SPAG1: variants seen among roughly 807,000 people sequenced by gnomAD.
SPAG1 encodes the protein sperm associated antigen 1, also known as sperm-associated antigen 1.
Under a neutral mutation model 100.5 loss-of-function variants are expected in SPAG1, and 69 were observed. The observed-to-expected ratio is 0.69, with a 90% CI of 0.57 to 0.84. The LOEUF is 0.84. Among genes scored for constraint, SPAG1 ranks in the 40% least tolerant of loss-of-function variants. SPAG1 has a pLI of 0.00. For synonymous variants in SPAG1, 336 were observed against 411.6 expected (o/e 0.82, Z 2.22); for missense variants, 955 against 1,133.1 (o/e 0.84, Z 2.26).
rs551611356 is a variant in SPAG1 at position 100,184,881 on chromosome 8, C to G, written c.701+148C>G. 1.4e-5 allele frequency: 8 copies of G among 576,340 alleles called. No homozygotes were observed. The East Asian group carries it at 2.5e-4, about 18-fold the overall frequency. The allele number at this position is 576,340 out of a possible 1,614,324, so 35.7% of individuals were successfully genotyped here. ...TTATCATATATTCACTTGTGTTTCTCCTATTTTTTCAATAATTTTTCTCAA... is the reference window on the plus strand; with the variant it reads ...TTATCATATATTCACTTGTGTTTCTGCTATTTTTTCAATAATTTTTCTCAA... On this transcript the variant is annotated intron_variant, in intron 7 of 18. Coordinates refer to ENST00000388798, the MANE Select transcript of SPAG1 (RefSeq NM_003114.5).
intron 12 of SPAG1, among the ~76,000 whole-genome samples, chr8:100,215,470 G>A (rs1817938303): frequency 6.6e-6 from 1 of 152,212 alleles, no homozygotes; most frequent in Non-Finnish European, 1.5e-5. Context: ...AGTAAATTAT[G>A]TGGACACTGT....
chr8:100,190,663 CTTT>C (rs758612610), intron 8 of SPAG1, among the ~76,000 whole-genome samples: 1 of 111,798 alleles, frequency 8.9e-6, no homozygotes, highest in African/African-American at 3.4e-5. Flanking sequence ...CTTTTTTTTT[CTTT>C]TTTTTTTTTT....
chr8:100,217,506 T>C (rs777931797), intron 12 of SPAG1, among the ~76,000 whole-genome samples: 2 of 151,948 alleles, frequency 1.3e-5, no homozygotes, highest in Admixed American at 6.6e-5. Context: ...AAGCCTGGCC[T>C]CTCCCCTCAC....
intron 3 of SPAG1, among the ~76,000 whole-genome samples, chr8:100,167,069 C>T (rs1815593971): frequency 6.6e-6 from 1 of 152,006 alleles, no homozygotes; most frequent in Admixed American, 6.6e-5. Flanking sequence ...GTGGTGTGTG[C>T]CTATAGTCCC....
intron 10 of SPAG1, among the ~76,000 whole-genome samples, chr8:100,205,723 A>T (rs917080291): frequency 3.9e-5 from 6 of 152,126 alleles, no homozygotes; most frequent in Non-Finnish European, 8.8e-5. Context: ...TAAAAGATGT[A>T]GGGATAGGGC....
At chr8:100,193,425 T>G (rs893853223) in intron 9 of SPAG1, among the ~76,000 whole-genome samples, 2 of 152,052 alleles carry the variant, frequency 1.3e-5, no homozygotes, top group African/African-American at 2.4e-5. Context: ...TGCACCACTG[T>G]ACTCCAGCCG....
chr8:100,170,911 A>C (rs1370693706), intron 3 of SPAG1, among the ~76,000 whole-genome samples: 2 of 151,942 alleles, frequency 1.3e-5, no homozygotes, highest in African/African-American at 2.4e-5. Flanking sequence ...GTAAGAGCAG[A>C]TCCTCGCCTA....
chr8:100,192,495 C>A (rs1816856950), intron 9 of SPAG1, among the ~76,000 whole-genome samples: 1 of 152,180 alleles, frequency 6.6e-6, no homozygotes, highest in Admixed American at 6.5e-5. Context: ...TCAGTACAAA[C>A]ATCCTTAGAG....
chr8:100,169,154 AG>A (rs1815707333), intron 3 of SPAG1, among the ~76,000 whole-genome samples: 1 of 152,148 alleles, frequency 6.6e-6, no homozygotes, highest in Non-Finnish European at 1.5e-5. Flanking sequence ...TCTTATATCT[AG>A]GTCTATAATC....
chr8:100,224,151 G>A (rs1246881082), intron 13 of SPAG1, among the ~76,000 whole-genome samples: 2 of 151,678 alleles, frequency 1.3e-5, no homozygotes, highest in Non-Finnish European at 2.9e-5. Context: ...GATCACTGAG[G>A]ATATTAATCT....
intron 1 of SPAG1, 136 bp downstream of exon 1, chr8:100,158,752 T>C (rs982777035): frequency 6.6e-6 from 1 of 152,122 alleles, no homozygotes; most frequent in African/African-American, 2.4e-5. Flanking sequence ...TTCTAAAGTA[T>C]TGTATAACTT....
chr8:100,200,150 A>G (rs1225596088), intron 10 of SPAG1, among the ~76,000 whole-genome samples: 34 of 152,030 alleles, frequency 2.2e-4, no homozygotes, highest in Non-Finnish European at 4.4e-4. Context: ...CCTGTGTCCA[A>G]GTGTTCTCAT....
At chr8:100,231,961 C>CAAA (rs528009916) in intron 15 of SPAG1, among the ~76,000 whole-genome samples, 31 of 137,642 alleles carry the variant, frequency 2.3e-4, no homozygotes, top group South Asian at 1.2e-3. Context: ...GACTCTGTCT[C>CAAA]AAAAAAAAAA....
chr8:100,199,716 G>A (rs892752611), intron 10 of SPAG1, among the ~76,000 whole-genome samples: 1 of 152,058 alleles, frequency 6.6e-6, no homozygotes, highest in Non-Finnish European at 1.5e-5. Context: ...CAAAGTGCTG[G>A]GATTACAGAT....
intron 13 of SPAG1, among the ~76,000 whole-genome samples, chr8:100,222,266 A>G (rs958574383): frequency 6.6e-6 from 1 of 152,190 alleles, no homozygotes; most frequent in Non-Finnish European, 1.5e-5. Context: ...CAGTGCCCCC[A>G]TAACACTGGG....
In SPAG1 at chr8:100,213,801, A is replaced by G. The variant is rs1389717262; in HGVS notation, c.1436-18A>G. On this transcript the variant is annotated intron_variant, in intron 11 of 18. Coordinates refer to ENST00000388798, the MANE Select transcript of SPAG1 (RefSeq NM_003114.5). ...TGCTAATGGATTTTAACTGTATTTA[A>G]TTAAATGTGATTTTTAGGAAGTGAA... 1.4e-6 allele frequency: 2 copies of G among 1,425,874 alleles called. No homozygotes were observed. Among genetic ancestry groups the G allele is most frequent in the South Asian group, 1.2e-5 (1 of 84,514 alleles). 88.3% of individuals were successfully genotyped at this position (1,425,874 alleles called of 1,614,324 possible). A position where few individuals can be genotyped will look rare whatever the true frequency, so the allele number is the denominator to read the frequency against.
chr8:100,206,933 A>G (rs1190983123), intron 10 of SPAG1, among the ~76,000 whole-genome samples: 4 of 152,184 alleles, frequency 2.6e-5, no homozygotes, highest in Non-Finnish European at 2.9e-5. Flanking sequence ...AGCAGATCCA[A>G]TGGTGCTTGA....
intron 11 of SPAG1, among the ~76,000 whole-genome samples, 180 bp downstream of exon 11, chr8:100,213,608 G>T (rs913870112): frequency 6.6e-6 from 1 of 152,184 alleles, no homozygotes; most frequent in Non-Finnish European, 1.5e-5. Flanking sequence ...ACCTGGGAAT[G>T]CCGGCATGTT....
chr8:100,166,899 C>T (rs2132202790), intron 3 of SPAG1, among the ~76,000 whole-genome samples: 1 of 151,960 alleles, frequency 6.6e-6, no homozygotes, highest in African/African-American at 2.4e-5. Context: ...AGAGTGAGAC[C>T]CTGTCTAAAA....
Sources: gnomAD v4.1 joint callset for allele counts (sites outside exome capture counted in the v4.1 genomes callset) on GRCh38, gnomAD v4.1.1 for gene constraint, MANE v1.5 for transcripts, NCBI Gene and HGNC (gene_info 2026-07-23, HGNC 2026-07-21) for gene names.